Variants in TMEM201 observed in about 807,000 individuals in gnomAD.
TMEM201 encodes transmembrane protein 201.
In TMEM201, 26 loss-of-function variants were observed where a neutral mutation model predicts 63.4. The observed-to-expected ratio is 0.41, with a 90% CI of 0.30 to 0.57. The LOEUF is 0.57. Ranked by LOEUF, TMEM201 falls within the 20% of genes least tolerant of loss-of-function variation. The pLI is 0.29. For synonymous variants in TMEM201, 417 were observed against 421.6 expected (o/e 0.99, Z 0.14); for missense variants, 794 against 917.7 (o/e 0.87, Z 1.74).
chr1:9,594,165 G>A (rs549183095), intron 1 of TMEM201, among the ~76,000 whole-genome samples: 32 of 152,244 alleles, frequency 2.1e-4, no homozygotes, highest in Non-Finnish European at 4.0e-4. Context: ...ATGAGACTGC[G>A]GCCCTAGAAG....
Position 9,589,030 on chromosome 1 carries a change from C to T in TMEM201, c.100C>T (p.Arg34Trp). 1 of 1,143,310 alleles carries T rather than the reference C, an allele frequency of 8.7e-7. No individual in the cohort carries two copies. Among genetic ancestry groups the T allele is most frequent in the Non-Finnish European group, 1.1e-6 (1 of 927,726 alleles). The allele number at this position is 1,143,310 out of a possible 1,614,324, so 70.8% of individuals were successfully genotyped here. ...ACAAAGVLLY[R>W]IARRMKPTHT... ...CGCCGCGGCCGGCGTGTTGCTCTACCGGATCGCGCGGAGGTGAGTGCATGG... is the reference window on the plus strand; with the variant it reads ...CGCCGCGGCCGGCGTGTTGCTCTACTGGATCGCGCGGAGGTGAGTGCATGG... The change falls in exon 1 of 11, where the codon CGG becomes TGG. Residue 34 changes from arginine to tryptophan, a missense_variant. Coordinates refer to ENST00000340381, the MANE Select transcript of TMEM201 (RefSeq NM_001130924.3).
chr1:9,611,697 T>A, intron 9 of TMEM201, 56 bp from the exon 10 acceptor site: 1 of 1,548,400 alleles, frequency 6.5e-7, no homozygotes, highest in Non-Finnish European at 8.7e-7. Context: ...CTGCCCCGCG[T>A]CTGTCCCTGG....
intron 3 of TMEM201, among the ~76,000 whole-genome samples, chr1:9,597,478 G>A (rs116798731): frequency 7.9e-4 from 120 of 152,330 alleles, no homozygotes; most frequent in African/African-American, 2.7e-3. Flanking sequence ...GCAGTCTGCT[G>A]TGGGGTTGGT....
Position 9,613,287 on chromosome 1 carries a change from T to C in TMEM201, c.*204T>C, listed in dbSNP as rs1324593803. On this transcript the variant is annotated 3_prime_UTR_variant, in exon 11 of 11. Coordinates refer to ENST00000340381, the MANE Select transcript of TMEM201 (RefSeq NM_001130924.3). ...TGAGCATGTGTCTGAGGTCACACTC[T>C]CTGCCCACTCACCTCCTTGGCTGAC... The C allele has an allele frequency of 1.5e-5, 9 of 592,170 alleles. No homozygotes were observed. Among genetic ancestry groups the C allele is most frequent in the Non-Finnish European group, 9.0e-6 (3 of 332,088 alleles). 36.7% of individuals were successfully genotyped at this position (592,170 alleles called of 1,614,324 possible). A position where few individuals can be genotyped will look rare whatever the true frequency, so the allele number is the denominator to read the frequency against.
In TMEM201 at chr1:9,612,925, C is replaced by T. The variant is rs554403887; in HGVS notation, c.1904-61C>T. On this transcript the variant is annotated intron_variant, in intron 10 of 10. Coordinates refer to ENST00000340381, the MANE Select transcript of TMEM201 (RefSeq NM_001130924.3). ...ACAAACTGCATGCTCTAGGGGGCTG[C>T]TCAGCTGCACAGCGAACCCACCCAC... 184 of 1,446,462 alleles carry T rather than the reference C, an allele frequency of 1.3e-4. 1 individual carries two copies. The highest frequency in any genetic ancestry group is 8.9e-4 in the South Asian group (73 of 81,732). 89.6% of individuals were successfully genotyped at this position (1,446,462 alleles called of 1,614,324 possible). A position where few individuals can be genotyped will look rare whatever the true frequency, so the allele number is the denominator to read the frequency against.
chr1:9,604,035 C>T lies in TMEM201; in HGVS notation c.1160+1763C>T. 11 of 985,472 alleles carry T rather than the reference C, an allele frequency of 1.1e-5. No homozygotes were observed. The highest frequency in any genetic ancestry group is 1.2e-5 in the Non-Finnish European group (10 of 829,978). 61.0% of individuals were successfully genotyped at this position (985,472 alleles called of 1,614,324 possible). Reference sequence around the variant, plus strand: ...GGGCAGGGAACCGCCTGCCTGTGCACTCACGCCACCCCCCAGCCCACAAAG... The same window carrying T: ...GGGCAGGGAACCGCCTGCCTGTGCATTCACGCCACCCCCCAGCCCACAAAG... On this transcript the variant is annotated intron_variant, in intron 6 of 10. Transcript: ENST00000340381. The surrounding 1 kb of genome is among the most constrained non-coding windows in gnomAD (Gnocchi z 4.1).
In TMEM201 at chr1:9,607,694, T is replaced by A; in HGVS notation, c.1298T>A (p.Leu433His). 12 of 1,551,868 alleles carry A rather than the reference T, an allele frequency of 7.7e-6. No homozygotes were observed. The highest frequency in any genetic ancestry group is 1.0e-5 in the Non-Finnish European group (12 of 1,147,076). ...TTCCTGCCCCTCGCCAACCAGCAGC[T>A]CTTCCGGTCTCCTCGACGGACCTCA... Reference protein sequence around the residue: ...PSFLPLANQQLFRSPRRTSPS... With the variant: ...PSFLPLANQQHFRSPRRTSPS... Residue 433 changes from leucine (L) to histidine (H), a missense_variant, in exon 7 of 11, where the codon CTC (leucine) becomes CAC (histidine). Leu to His is a moderately conservative substitution (Grantham distance 99). Transcript: ENST00000340381. This position sits in a 1 kb window ranked among gnomAD's most constrained non-coding sequence, Gnocchi z 5.4.
chr1:9,596,575 G>A (rs1452663203), intron 2 of TMEM201, among the ~76,000 whole-genome samples: 2 of 152,172 alleles, frequency 1.3e-5, no homozygotes, highest in Non-Finnish European at 2.9e-5. Context: ...AGAGGGTAGG[G>A]CTCTGAGGAC....
chr1:9,590,282 G>A (rs753205498), intron 1 of TMEM201, among the ~76,000 whole-genome samples: 4 of 152,178 alleles, frequency 2.6e-5, no homozygotes, highest in Non-Finnish European at 5.9e-5. Context: ...CCAGGGGACC[G>A]AGGTCCAGAG....
At position 9,603,033 on chromosome 1, in the gene TMEM201, G is replaced by A; in HGVS notation, c.1160+761G>A. On this transcript the variant is annotated intron_variant, in intron 6 of 10. Transcript: ENST00000340381. The surrounding 1 kb of genome is among the most constrained non-coding windows in gnomAD (Gnocchi z 4.5). ...CCTGAGACAGGCAGTAGGAGCCTGT[G>A]CTGACCTTGGGGAATCTGAGCTTTT... The A allele has an allele frequency of 1.1e-5, 11 of 985,570 alleles. No individual in the cohort carries two copies. The highest frequency in any genetic ancestry group is 1.2e-5 in the Non-Finnish European group (10 of 830,036). 61.1% of individuals were successfully genotyped at this position (985,570 alleles called of 1,614,324 possible).
intron 4 of TMEM201, among the ~76,000 whole-genome samples, chr1:9,599,612 GT>G (rs1644097090): frequency 6.6e-6 from 1 of 151,246 alleles, no homozygotes; most frequent in South Asian, 2.1e-4. Flanking sequence ...CTATTGTGAG[GT>G]TTTTTTGTTT....
chr1:9,596,045 C>CG, intron 2 of TMEM201, 35 bp downstream of exon 2: 1 of 1,601,136 alleles, frequency 6.2e-7, no homozygotes, highest in Non-Finnish European at 8.5e-7. Context: ...GGTGGGCACG[C>CG]GGGGGTGGGG....
intron 1 of TMEM201, among the ~76,000 whole-genome samples, chr1:9,592,257 G>A (rs1005130440): frequency 1.3e-5 from 2 of 152,224 alleles, no homozygotes; most frequent in Non-Finnish European, 2.9e-5. Flanking sequence ...CCACTTAAGC[G>A]GGAAGTGCAG....
chr1:9,597,174 G>A (rs941486351), intron 3 of TMEM201, 121 bp downstream of exon 3: 32 of 1,214,652 alleles, frequency 2.6e-5, no homozygotes, highest in Middle Eastern at 2.9e-4. Flanking sequence ...GCTAGACAGC[G>A]GCTTTTCTGT....
chr1:9,610,872 G>T lies in TMEM201; in HGVS notation c.1765+67G>T. ...CTGCTGCCAAGAGGCCTGGCTGTGC[G>T]GCGGTGGGGGGGCTCATCCTTGCTC... On this transcript the variant is annotated intron_variant, in intron 9 of 10. Coordinates refer to ENST00000340381, the MANE Select transcript of TMEM201 (RefSeq NM_001130924.3). This position sits in a 1 kb window ranked among gnomAD's most constrained non-coding sequence, Gnocchi z 4.9. 2.0e-6 allele frequency: 3 copies of T among 1,491,458 alleles called. No homozygotes were observed. The highest frequency in any genetic ancestry group is 1.3e-5 in the South Asian group (1 of 76,934). The allele number at this position is 1,491,458 out of a possible 1,614,324, so 92.4% of individuals were successfully genotyped here. A position where few individuals can be genotyped will look rare whatever the true frequency, so the allele number is the denominator to read the frequency against.
At chr1:9,590,664 C>T (rs1643904840) in intron 1 of TMEM201, among the ~76,000 whole-genome samples, 1 of 152,156 alleles carries the variant, frequency 6.6e-6, no homozygotes, top group African/African-American at 2.4e-5. Context: ...CTTTCACGCC[C>T]CTGACGACAC....
chr1:9,607,103 T>C lies in TMEM201; in HGVS notation c.1161-454T>C, dbSNP rs373479250. Among the ~76,000 whole-genome samples the C allele has an allele frequency of 2.7e-4, 41 of 152,270 alleles. 1 individual carries two copies. The South Asian group carries it at 8.5e-3, about 32-fold the overall frequency. On this transcript the variant is annotated intron_variant, in intron 6 of 10. Coordinates refer to ENST00000340381, the MANE Select transcript of TMEM201 (RefSeq NM_001130924.3). This position sits in a 1 kb window ranked among gnomAD's most constrained non-coding sequence, Gnocchi z 5.4. ...CTATGATCCAGGCCCATCTGGGAGA[T>C]GAGCCAGGATGTCCCTGAGCCCGGC...
At chr1:9,602,412 G>A (rs1179977412) in intron 6 of TMEM201, 140 bp downstream of exon 6, 1 of 1,460,562 alleles carries the variant, frequency 6.8e-7, no homozygotes, top group Non-Finnish European at 9.1e-7. Context: ...ACAGCCCCAG[G>A]TCCTGGCCCA....
At position 9,603,226 on chromosome 1, in the gene TMEM201, G is replaced by A. The variant is rs1032292278; in HGVS notation, c.1160+954G>A. 2.0e-6 allele frequency: 2 copies of A among 985,350 alleles called. No homozygotes were observed. The highest frequency in any genetic ancestry group is 1.2e-4 in the Admixed American group (2 of 16,264). The allele number at this position is 985,350 out of a possible 1,614,324, so 61.0% of individuals were successfully genotyped here. Reference sequence around the variant, plus strand: ...GGGCAGCCCACAGACCTGCTCCTCAGTAGCAGGGCCTGGCCAGGCCCCTGC... The same window carrying A: ...GGGCAGCCCACAGACCTGCTCCTCAATAGCAGGGCCTGGCCAGGCCCCTGC... On this transcript the variant is annotated intron_variant, in intron 6 of 10. Transcript: ENST00000340381. The surrounding 1 kb of genome is among the most constrained non-coding windows in gnomAD (Gnocchi z 4.5).
Sources: allele counts gnomAD v4.1 joint callset (sites outside exome capture counted in the v4.1 genomes callset), GRCh38; gene constraint gnomAD v4.1.1; non-coding constraint Gnocchi (gnomAD v3.1); transcripts MANE v1.5; gene names NCBI Gene and HGNC (gene_info 2026-07-23, HGNC 2026-07-21).